Variants in TMEM132D observed in about 807,000 individuals in gnomAD.
TMEM132D encodes the protein transmembrane protein 132D.
TMEM132D carries 21 observed loss-of-function variants against 62.3 expected under a neutral mutation model. The observed-to-expected ratio is 0.34, with a 90% CI of 0.24 to 0.49. TMEM132D has a LOEUF of 0.49. Among genes scored for constraint, TMEM132D ranks in the 20% least tolerant of loss-of-function variants. TMEM132D has a pLI of 0.99. For synonymous variants in TMEM132D, 621 were observed against 575.6 expected (o/e 1.08, Z -1.13); for missense variants, 1,346 against 1,402.8 (o/e 0.96, Z 0.65).
At chr12:129,514,012 T>C (rs1875597061) in intron 3 of TMEM132D, among the ~76,000 whole-genome samples, 1 of 150,360 alleles carries the variant, frequency 6.7e-6, no homozygotes, top group African/African-American at 2.5e-5. Context: ...TAATTTTTTT[T>C]GTATTTTCAG....
chr12:129,206,981 A>G (rs1361728582), intron 5 of TMEM132D, among the ~76,000 whole-genome samples: 1 of 152,170 alleles, frequency 6.6e-6, no homozygotes, highest in Non-Finnish European at 1.5e-5. Context: ...AGGATCAGAG[A>G]AAAATACCTC....
chr12:129,447,879 G>C (rs778937352), intron 3 of TMEM132D, among the ~76,000 whole-genome samples: 2 of 152,068 alleles, frequency 1.3e-5, no homozygotes, highest in Non-Finnish European at 2.9e-5. Context: ...GGCCCATCTG[G>C]GTACTATTTA....
chr12:129,780,339 A>G (rs866208560), intron 1 of TMEM132D, among the ~76,000 whole-genome samples: 28 of 145,286 alleles, frequency 1.9e-4, no homozygotes, highest in African/African-American at 2.8e-4. Context: ...GTTGGTGGGG[A>G]GGGGGGGGGC....
chr12:129,756,375 A>G (rs1870169681), intron 1 of TMEM132D, among the ~76,000 whole-genome samples: 2 of 152,346 alleles, frequency 1.3e-5, no homozygotes, highest in East Asian at 1.9e-4. Context: ...TTTGACACAC[A>G]CTATAACATG....
At position 129,087,956 on chromosome 12, in the gene TMEM132D, T is replaced by C; in HGVS notation, c.1444-3254A>G. Among the ~76,000 whole-genome samples, 2 of 110,854 alleles carry C rather than the reference T, an allele frequency of 1.8e-5. 1 individual carries two copies. The highest frequency in any genetic ancestry group is 3.6e-5 in the Non-Finnish European group (2 of 55,090). 72.7% of individuals were successfully genotyped at this position (110,854 alleles called of 152,430 possible). On this transcript the variant is annotated intron_variant, in intron 5 of 8. Transcript: ENST00000422113. ...TCCTCCATGACCGGGGTGTCCTCCC[T>C]GACCGGGGTGTCCTCCATGACCGGG...
rs77291079 is a variant in TMEM132D, at chr12:129,745,850, C to T, written c.80-45152G>A. Among the ~76,000 whole-genome samples the T allele has an allele frequency of 5.3e-3, 811 of 152,282 alleles. 3 individuals are homozygous for T. Among genetic ancestry groups the T allele is most frequent in the Non-Finnish European group, 8.8e-3 (596 of 68,038 alleles). On this transcript the variant is annotated intron_variant, in intron 1 of 8. Coordinates refer to ENST00000422113, the MANE Select transcript of TMEM132D (RefSeq NM_133448.3). ...AAAAATGATGTAAACTATTCGCCTG[C>T]GTAGAGTGAAGGTCTCTGATTCTGT...
At chr12:129,780,756 A>G (rs575018404) in intron 1 of TMEM132D, among the ~76,000 whole-genome samples, 1 of 152,326 alleles carries the variant, frequency 6.6e-6, no homozygotes, top group South Asian at 2.1e-4. Flanking sequence ...CCTCAGGGCC[A>G]TTCATCCGGT....
chr12:129,573,058 T>G (rs867234996), intron 2 of TMEM132D, among the ~76,000 whole-genome samples: 2 of 152,156 alleles, frequency 1.3e-5, no homozygotes, highest in African/African-American at 4.8e-5. Context: ...ATAAAAACAA[T>G]AAATAAATCC....
At chr12:129,787,883 A>G (rs1436335249) in intron 1 of TMEM132D, among the ~76,000 whole-genome samples, 1 of 152,218 alleles carries the variant, frequency 6.6e-6, no homozygotes, top group African/African-American at 2.4e-5. Flanking sequence ...AGGCTGCTGC[A>G]GGACAGAGGA....
At chr12:129,582,230 T>C (rs138552964) in intron 2 of TMEM132D, among the ~76,000 whole-genome samples, 1 of 152,310 alleles carries the variant, frequency 6.6e-6, no homozygotes, top group African/African-American at 2.4e-5. Context: ...CCCTTTTCCT[T>C]CCAGATGTTT....
intron 1 of TMEM132D, among the ~76,000 whole-genome samples, chr12:129,865,040 GTGGAAAAAGT>G (rs976726809): frequency 1.3e-5 from 2 of 152,148 alleles, no homozygotes; most frequent in African/African-American, 4.8e-5. Context: ...TTATTTTCCA[GTGGAAAAAGT>G]TGGAAATCCA....
chr12:129,681,241 T>C (rs189811373), intron 2 of TMEM132D, among the ~76,000 whole-genome samples: 190 of 152,360 alleles, frequency 1.2e-3, no homozygotes, highest in African/African-American at 4.1e-3. Context: ...TACTTATCTA[T>C]TGCTGCTTCA....
chr12:129,354,456 T>A (rs1006213342), intron 3 of TMEM132D, among the ~76,000 whole-genome samples: 2 of 152,008 alleles, frequency 1.3e-5, no homozygotes, highest in Admixed American at 1.3e-4. Context: ...CCCGAGTAGC[T>A]GGGACTACAG....
intron 3 of TMEM132D, among the ~76,000 whole-genome samples, chr12:129,418,084 C>A (rs1872183420): frequency 1.3e-5 from 2 of 152,196 alleles, no homozygotes; most frequent in Admixed American, 1.3e-4. Flanking sequence ...AATAGGAACA[C>A]TTTTACACTG....
chr12:129,730,254 A>G (rs933589983), intron 1 of TMEM132D, among the ~76,000 whole-genome samples: 1 of 152,158 alleles, frequency 6.6e-6, no homozygotes, highest in Non-Finnish European at 1.5e-5. Context: ...AATTGTTCAC[A>G]GTTTGTCTTT....
At chr12:129,812,938 A>G (rs1475213736) in intron 1 of TMEM132D, among the ~76,000 whole-genome samples, 3 of 151,874 alleles carry the variant, frequency 2.0e-5, no homozygotes, top group Admixed American at 6.6e-5. Context: ...AGTGCCTAGT[A>G]GACATACCCA....
At chr12:129,123,530 C>T (rs1256050050) in intron 5 of TMEM132D, among the ~76,000 whole-genome samples, 1 of 152,116 alleles carries the variant, frequency 6.6e-6, no homozygotes, top group East Asian at 1.9e-4. Context: ...CAGGGTCCAT[C>T]CCAAGCCAAC....
intron 2 of TMEM132D, among the ~76,000 whole-genome samples, chr12:129,571,402 GAAAATACA>G (rs1446986870): frequency 2.6e-5 from 4 of 151,842 alleles, no homozygotes; most frequent in South Asian, 4.2e-4. Flanking sequence ...TGTCTCTATG[GAAAATACA>G]AAAATACAAA....
chr12:129,375,622 G>C (rs1870760298), intron 3 of TMEM132D, among the ~76,000 whole-genome samples: 1 of 152,198 alleles, frequency 6.6e-6, no homozygotes, highest in African/African-American at 2.4e-5. Flanking sequence ...TAAGTATGGA[G>C]AGCATGCCCT....
Sources: gnomAD v4.1 joint callset for allele counts (sites outside exome capture counted in the v4.1 genomes callset) on GRCh38, gnomAD v4.1.1 for gene constraint, MANE v1.5 for transcripts, NCBI Gene and HGNC (gene_info 2026-07-23, HGNC 2026-07-21) for gene names.